GUCY1A2: variants seen among roughly 807,000 people sequenced by gnomAD.
The protein encoded by GUCY1A2 is guanylate cyclase 1 soluble subunit alpha 2, also known as guanylate cyclase soluble subunit alpha-2.
GUCY1A2 carries 27 observed loss-of-function variants against 63.5 expected under a neutral mutation model. The ratio of observed to expected loss-of-function variants is 0.43; its 90% CI spans 0.31 to 0.59. The LOEUF (loss-of-function observed/expected upper bound fraction) is 0.59. GUCY1A2 is among the 20% of genes least tolerant of loss of function. The pLI, the probability that GUCY1A2 is intolerant of heterozygous loss-of-function variation, is 0.11. For synonymous variants in GUCY1A2, 364 were observed against 343.5 expected (o/e 1.06, Z -0.66); for missense variants, 768 against 913.3 (o/e 0.84, Z 2.05).
chr11:106,870,084 A>G (rs1340994591), intron 4 of GUCY1A2, among the ~76,000 whole-genome samples: 3 of 121,186 alleles, frequency 2.5e-5, no homozygotes, highest in Non-Finnish European at 4.9e-5. Context: ...GAAGGGGAAC[A>G]TCACACACCA....
At chr11:106,715,214 C>A (rs1254959897) in intron 6 of GUCY1A2, among the ~76,000 whole-genome samples, 1 of 152,098 alleles carries the variant, frequency 6.6e-6, no homozygotes, top group Admixed American at 6.6e-5. Context: ...AAAAAAATTC[C>A]TCCTGCAATT....
intron 3 of GUCY1A2, among the ~76,000 whole-genome samples, chr11:106,974,485 T>C (rs907295373): frequency 5.9e-5 from 9 of 151,972 alleles, no homozygotes; most frequent in Non-Finnish European, 1.0e-4. Flanking sequence ...AAAAAGTATA[T>C]ACAAGTTGAC....
intron 6 of GUCY1A2, among the ~76,000 whole-genome samples, chr11:106,751,404 G>A (rs1863879383): frequency 6.6e-6 from 1 of 152,038 alleles, no homozygotes; most frequent in Non-Finnish European, 1.5e-5. Flanking sequence ...CTCTTTCGAA[G>A]TTTTATTCTC....
chr11:106,809,445 A>T (rs1464096667), intron 5 of GUCY1A2, among the ~76,000 whole-genome samples: 1 of 152,160 alleles, frequency 6.6e-6, no homozygotes, highest in African/African-American at 2.4e-5. Flanking sequence ...TCCATTATGT[A>T]GCTTGGAAAA....
intron 4 of GUCY1A2, among the ~76,000 whole-genome samples, chr11:106,875,496 C>A (rs1215296311): frequency 2.0e-5 from 3 of 152,118 alleles, no homozygotes; most frequent in Non-Finnish European, 2.9e-5. Context: ...CAAATCATCT[C>A]ACCAACACTG....
At chr11:106,806,361 G>T (rs947335153) in intron 5 of GUCY1A2, among the ~76,000 whole-genome samples, 43 of 152,170 alleles carry the variant, frequency 2.8e-4, no homozygotes, top group African/African-American at 9.4e-4. Context: ...GCTAAAGATT[G>T]TATTTAAAAT....
At chr11:106,882,618 C>T (rs1378707512) in intron 4 of GUCY1A2, among the ~76,000 whole-genome samples, 1 of 152,066 alleles carries the variant, frequency 6.6e-6, no homozygotes, top group East Asian at 1.9e-4. Flanking sequence ...AAATCTAATC[C>T]ATAAGAGAAG....
At chr11:106,846,466 T>C (rs900661396) in intron 4 of GUCY1A2, among the ~76,000 whole-genome samples, 4 of 151,702 alleles carry the variant, frequency 2.6e-5, no homozygotes, top group African/African-American at 9.7e-5. Context: ...ATCTTTTGTC[T>C]TTACAGGACT....
chr11:106,809,201 C>A (rs1858732078), intron 5 of GUCY1A2, among the ~76,000 whole-genome samples: 1 of 152,020 alleles, frequency 6.6e-6, no homozygotes, highest in African/African-American at 2.4e-5. Flanking sequence ...GAAAATAAAA[C>A]CTGCAGCTCA....
rs1029747671 is a variant in GUCY1A2 at position 106,681,168 on chromosome 11, T to A, written c.*6381A>T. ...ATCATTTTCAGACTTTTATTTATTGTGCTACAGGTGACTTTCAGTCAATCA... is the reference window on the plus strand; with the variant it reads ...ATCATTTTCAGACTTTTATTTATTGAGCTACAGGTGACTTTCAGTCAATCA... On this transcript the variant is annotated 3_prime_UTR_variant, in exon 8 of 8. Coordinates refer to ENST00000526355, the MANE Select transcript of GUCY1A2 (RefSeq NM_000855.3). 9.3e-6 allele frequency: 2 copies of A among 215,998 alleles called. No individual in the cohort carries two copies. Among genetic ancestry groups the A allele is most frequent in the South Asian group, 3.7e-4 (2 of 5,380 alleles). The allele number at this position is 215,998 out of a possible 1,614,324, so 13.4% of individuals were successfully genotyped here. A position where few individuals can be genotyped will look rare whatever the true frequency, so the allele number is the denominator to read the frequency against.
intron 4 of GUCY1A2, among the ~76,000 whole-genome samples, chr11:106,906,630 T>C (rs138704650): frequency 2.9e-3 from 444 of 152,234 alleles, no homozygotes; most frequent in African/African-American, 0.01. Flanking sequence ...TAAAGACACA[T>C]GCACACATAT....
At chr11:106,837,029 G>A (rs1485072237) in intron 4 of GUCY1A2, among the ~76,000 whole-genome samples, 5 of 151,978 alleles carry the variant, frequency 3.3e-5, no homozygotes, top group African/African-American at 4.8e-5. Context: ...GGGTACATGT[G>A]TAGGTTTGTT....
intron 6 of GUCY1A2, chr11:106,746,563 C>T: frequency 6.3e-7 from 1 of 1,588,358 alleles, no homozygotes; most frequent in East Asian, 2.2e-5. Context: ...TTTCAGTACC[C>T]AAATCCGTTT....
intron 6 of GUCY1A2, among the ~76,000 whole-genome samples, chr11:106,758,732 C>T (rs1864015677): frequency 1.3e-5 from 2 of 152,160 alleles, no homozygotes; most frequent in Non-Finnish European, 1.5e-5. Context: ...AATGAAGAGT[C>T]AACAGAGTGG....
intron 6 of GUCY1A2, among the ~76,000 whole-genome samples, chr11:106,762,758 T>G (rs1201914877): frequency 6.6e-6 from 1 of 152,114 alleles, no homozygotes; most frequent in African/African-American, 2.4e-5. Flanking sequence ...CAGTGATGAT[T>G]TGGGACTCAT....
intron 4 of GUCY1A2, among the ~76,000 whole-genome samples, chr11:106,871,349 A>C (rs538899746): frequency 1.3e-4 from 20 of 152,142 alleles, no homozygotes; most frequent in Non-Finnish European, 2.2e-4. Context: ...AATAACAAAC[A>C]TTTATTCTCT....
At chr11:106,834,319 T>C (rs2135438867) in intron 4 of GUCY1A2, among the ~76,000 whole-genome samples, 1 of 152,158 alleles carries the variant, frequency 6.6e-6, no homozygotes, top group South Asian at 2.1e-4. Flanking sequence ...ATTGTCTTTC[T>C]GTGCCTGGTT....
chr11:106,706,510 A>G (rs931910112), intron 7 of GUCY1A2, among the ~76,000 whole-genome samples: 6 of 150,382 alleles, frequency 4.0e-5, no homozygotes, highest in Non-Finnish European at 8.8e-5. Context: ...ACTCTGAGTC[A>G]CCACCAAAAT....
intron 6 of GUCY1A2, among the ~76,000 whole-genome samples, chr11:106,745,629 C>T (rs1863774650): frequency 6.6e-6 from 1 of 152,136 alleles, no homozygotes; most frequent in Non-Finnish European, 1.5e-5. Flanking sequence ...ACTACCAACC[C>T]ATCTGTATAC....
Sources: gnomAD v4.1 joint callset for allele counts (sites outside exome capture counted in the v4.1 genomes callset) on GRCh38, gnomAD v4.1.1 for gene constraint, MANE v1.5 for transcripts, NCBI Gene and HGNC (gene_info 2026-07-23, HGNC 2026-07-21) for gene names.